The following CSMD2 variants were observed in gnomAD, a reference collection of about 807,000 sequenced individuals.
CSMD2 encodes CUB and Sushi multiple domains 2.
Under a neutral mutation model 398.5 loss-of-function variants are expected in CSMD2, and 130 were observed. That is an observed-to-expected ratio of 0.33 (90% confidence interval 0.28 to 0.38). CSMD2 has a LOEUF of 0.38. CSMD2 is among the 10% of genes least tolerant of loss of function. The pLI is 1.00. For missense variants in CSMD2, 3,829 were observed against 4,764.9 expected (o/e 0.80, Z 5.78); for synonymous variants, 1,828 against 1,908.5 (o/e 0.96, Z 1.10).
At chr1:33,683,332 T>C (rs971912511) in intron 25 of CSMD2, among the ~76,000 whole-genome samples, 10 of 152,166 alleles carry the variant, frequency 6.6e-5, no homozygotes, top group African/African-American at 2.4e-4. Flanking sequence ...GTAAAACATG[T>C]TTAGAAAAAA....
chr1:33,662,628 C>T (rs545785453), intron 26 of CSMD2, among the ~76,000 whole-genome samples: 1 of 152,180 alleles, frequency 6.6e-6, no homozygotes, highest in African/African-American at 2.4e-5. Context: ...TTCCTTGATG[C>T]TCCAAGGTGA....
At chr1:34,129,275 G>A (rs899709148) in intron 1 of CSMD2, among the ~76,000 whole-genome samples, 1 of 152,230 alleles carries the variant, frequency 6.6e-6, no homozygotes, top group African/African-American at 2.4e-5. Context: ...GTTGTGTGTA[G>A]AAGCGTGTGT....
At chr1:34,099,208 A>G (rs1659707172) in intron 1 of CSMD2, among the ~76,000 whole-genome samples, 1 of 152,170 alleles carries the variant, frequency 6.6e-6, no homozygotes, top group Non-Finnish European at 1.5e-5. Context: ...TCCTGTCCCT[A>G]AAACCTGCCT....
chr1:33,636,991 C>A lies in CSMD2; in HGVS notation c.4775-437G>T, dbSNP rs1642846139. Among the ~76,000 whole-genome samples, 1 of 152,200 alleles carries A rather than the reference C, an allele frequency of 6.6e-6. No individual in the cohort carries two copies. The highest frequency in any genetic ancestry group is 1.5e-5 in the Non-Finnish European group (1 of 68,034). On this transcript the variant is annotated intron_variant, in intron 29 of 70. Transcript: ENST00000373381. The surrounding 1 kb of genome is among the most constrained non-coding windows in gnomAD (Gnocchi z 4.8). ...CCCATCACTTTACTCATCTTTGACCCCCCACACTCAGCAGCCTCCTGGCCT... is the reference window on the plus strand; with the variant it reads ...CCCATCACTTTACTCATCTTTGACCACCCACACTCAGCAGCCTCCTGGCCT...
At chr1:33,658,256 C>A in intron 26 of CSMD2, 119 bp from the exon 27 acceptor site, 1 of 763,016 alleles carries the variant, frequency 1.3e-6, no homozygotes, top group African/African-American at 1.7e-5. Flanking sequence ...CCACCAGAAC[C>A]TCCCCATCAT....
At chr1:33,796,622 TA>T (rs1405832151) in intron 10 of CSMD2, among the ~76,000 whole-genome samples, 1 of 144,320 alleles carries the variant, frequency 6.9e-6, no homozygotes, top group Non-Finnish European at 1.5e-5. Flanking sequence ...AAACTGATTG[TA>T]AAACGTGTGT....
At chr1:33,788,769 G>T in intron 11 of CSMD2, 57 bp from the exon 12 acceptor site, 1 of 1,117,808 alleles carries the variant, frequency 8.9e-7, no homozygotes, top group Non-Finnish European at 1.4e-6. Context: ...CGAATAGAAT[G>T]ATTGCCTGAC....
chr1:34,019,290 G>C (rs754687903), intron 3 of CSMD2, among the ~76,000 whole-genome samples: 10 of 152,092 alleles, frequency 6.6e-5, no homozygotes, highest in Non-Finnish European at 1.5e-4. Flanking sequence ...ATGATCTCTA[G>C]GGCTCCACCC....
At chr1:33,957,368 T>A (rs11811025) in intron 3 of CSMD2, among the ~76,000 whole-genome samples, 9,783 of 152,094 alleles carry the variant, frequency 0.064, 734 homozygotes, top group African/African-American at 0.18. Flanking sequence ...TGGCAAGACG[T>A]TGTACTAGAT....
chr1:33,606,084 T>G (rs1640586487), intron 41 of CSMD2: 2 of 1,480,310 alleles, frequency 1.4e-6, no homozygotes, highest in Non-Finnish European at 1.8e-6. Flanking sequence ...GGGAAGCTGT[T>G]TCCATGAGAG....
intron 42 of CSMD2, 69 bp downstream of exon 42, chr1:33,605,213 T>G: frequency 7.0e-7 from 1 of 1,419,738 alleles, no homozygotes; most frequent in Admixed American, 1.9e-5. Flanking sequence ...AGGTGGAACA[T>G]GGGATTGCTC....
intron 7 of CSMD2, among the ~76,000 whole-genome samples, chr1:33,824,748 G>A (rs1658588487): frequency 6.6e-6 from 1 of 152,046 alleles, no homozygotes. Flanking sequence ...GGGAGCAGAA[G>A]GATGAGAAGA....
Position 33,837,287 on chromosome 1 carries a change from C to T in CSMD2, c.1033+9597G>A, listed in dbSNP as rs1660393126. On this transcript the variant is annotated intron_variant, in intron 6 of 70. Transcript: ENST00000373381. ...GTCTCCAAAACTCCAGAGTGCACTA[C>T]CAGCAGACCCAGTCAGAAAAGAAGG... Among the ~76,000 whole-genome samples, 8 of 152,080 alleles carry T rather than the reference C, an allele frequency of 5.3e-5. No individual in the cohort carries two copies. In the South Asian group the frequency reaches 1.7e-3, roughly 32 times the overall value.
intron 6 of CSMD2, among the ~76,000 whole-genome samples, chr1:33,840,722 A>G (rs1328790672): frequency 6.6e-6 from 1 of 152,118 alleles, no homozygotes; most frequent in Non-Finnish European, 1.5e-5. Context: ...TAACAGGCTC[A>G]CTCTGGACTG....
intron 36 of CSMD2, 56 bp from the exon 37 acceptor site, chr1:33,622,327 A>G: frequency 8.2e-7 from 1 of 1,213,922 alleles, no homozygotes; most frequent in Non-Finnish European, 1.2e-6. Flanking sequence ...AGGCCCTTGC[A>G]TTCCTCCCCA....
At chr1:33,777,836 GT>G (rs770559943) in intron 12 of CSMD2, among the ~76,000 whole-genome samples, 2 of 152,072 alleles carry the variant, frequency 1.3e-5, no homozygotes, top group Non-Finnish European at 2.9e-5. Flanking sequence ...TTCTCCCCAG[GT>G]TTTTCCATTT....
At chr1:34,038,045 A>G (rs1651369645) in intron 2 of CSMD2, among the ~76,000 whole-genome samples, 1 of 152,172 alleles carries the variant, frequency 6.6e-6, no homozygotes, top group Admixed American at 6.5e-5. Context: ...CAAAGGCGCT[A>G]GCTAAGGCTG....
intron 11 of CSMD2, among the ~76,000 whole-genome samples, chr1:33,790,365 T>A (rs1654081898): frequency 6.6e-6 from 1 of 152,162 alleles, no homozygotes; most frequent in Non-Finnish European, 1.5e-5. Flanking sequence ...CCTCATCCAA[T>A]CAGTTGAAGG....
intron 48 of CSMD2, among the ~76,000 whole-genome samples, 175 bp from the exon 49 acceptor site, chr1:33,577,659 T>A (rs572512546): frequency 6.6e-6 from 1 of 152,220 alleles, no homozygotes; most frequent in South Asian, 2.1e-4. Context: ...CCAGTCAGGT[T>A]GGTAAAGCCG....
Sources: allele counts gnomAD v4.1 joint callset (sites outside exome capture counted in the v4.1 genomes callset), GRCh38; gene constraint gnomAD v4.1.1; non-coding constraint Gnocchi (gnomAD v3.1); transcripts MANE v1.5; gene names NCBI Gene and HGNC (gene_info 2026-07-23, HGNC 2026-07-21).